GALNT9: variants seen among roughly 807,000 people sequenced by gnomAD.
GALNT9 encodes the protein GalNAc transferase 9.
GALNT9 carries 47 observed loss-of-function variants against 63.1 expected under a neutral mutation model. The observed-to-expected ratio is 0.75, with a 90% confidence interval of 0.59 to 0.95. GALNT9 has a LOEUF of 0.95. GALNT9 is among the 40% of genes least tolerant of loss of function. GALNT9 has a pLI of 0.00. For missense variants in GALNT9, 829 were observed against 874.8 expected (o/e 0.95, Z 0.66); for synonymous variants, 396 against 365.7 (o/e 1.08, Z -0.94).
chr12:132,218,141 C>T (rs1877295238), intron 6 of GALNT9, among the ~76,000 whole-genome samples: 1 of 152,110 alleles, frequency 6.6e-6, no homozygotes, highest in Non-Finnish European at 1.5e-5. Flanking sequence ...CCTTCTTTCA[C>T]CCACTCATCC....
intron 1 of GALNT9, among the ~76,000 whole-genome samples, chr12:132,308,283 A>G (rs1340292906): frequency 6.6e-6 from 1 of 152,180 alleles, no homozygotes; most frequent in Non-Finnish European, 1.5e-5. Flanking sequence ...TGGATGCCAG[A>G]GCTGTGAAAG....
rs576865812 is a variant in GALNT9 at position 132,319,726 on chromosome 12, C to T, written c.238+9240G>A. On this transcript the variant is annotated intron_variant, in intron 1 of 10. Transcript: ENST00000328957. The surrounding 1 kb of genome is among the most constrained non-coding windows in gnomAD (Gnocchi z 5.2). ...ACACAGCTGTACCCGGCACAACACG[C>T]GGCCACAGGTCACCTCAGGTCGCCT... 3.3e-5 allele frequency among the ~76,000 whole-genome samples: 5 copies of T among 152,354 alleles called. No homozygotes were observed. Among genetic ancestry groups the T allele is most frequent in the Middle Eastern group, 3.4e-3 (1 of 294 alleles).
At chr12:132,202,458 G>A (rs780514522) in intron 7 of GALNT9, among the ~76,000 whole-genome samples, 1 of 152,230 alleles carries the variant, frequency 6.6e-6, no homozygotes, top group Non-Finnish European at 1.5e-5. Context: ...GGCCACTTCA[G>A]GCCGTGTCAC....
At position 132,286,113 on chromosome 12, in the gene GALNT9, G is replaced by A. The variant is rs1430353709; in HGVS notation, c.419+137C>T. The A allele has an allele frequency of 3.0e-5, 35 of 1,154,752 alleles. No homozygotes were observed. Among genetic ancestry groups the A allele is most frequent in the Non-Finnish European group, 3.9e-5 (33 of 853,454 alleles). The allele number at this position is 1,154,752 out of a possible 1,614,324, so 71.5% of individuals were successfully genotyped here. A position where few individuals can be genotyped will look rare whatever the true frequency, so the allele number is the denominator to read the frequency against. ...GGTCACTTCCCCGGCGGGCGTGGGG[G>A]GCGGTCACTTCCCTGGCGGGCGTGG... On this transcript the variant is annotated intron_variant, in intron 2 of 10. Transcript: ENST00000328957. The surrounding 1 kb of genome is among the most constrained non-coding windows in gnomAD (Gnocchi z 7.4).
intron 5 of GALNT9, among the ~76,000 whole-genome samples, chr12:132,248,788 T>C (rs560138394): frequency 1.3e-5 from 2 of 152,252 alleles, no homozygotes; most frequent in Non-Finnish European, 2.9e-5. Context: ...CCTGGCCCCA[T>C]CTCTGTGAAA....
intron 1 of GALNT9, among the ~76,000 whole-genome samples, chr12:132,324,254 G>C (rs782034607): frequency 2.0e-5 from 3 of 152,152 alleles, no homozygotes; most frequent in Non-Finnish European, 2.9e-5. Flanking sequence ...AGCCGGCAGA[G>C]TGGGGGCCGC....
intron 7 of GALNT9, among the ~76,000 whole-genome samples, chr12:132,202,619 C>T (rs1025929929): frequency 3.3e-5 from 5 of 150,528 alleles, no homozygotes; most frequent in African/African-American, 1.0e-4. Flanking sequence ...TAAATGTATG[C>T]GTGTGTGCGC....
At chr12:132,308,913 G>A (rs916043748) in intron 1 of GALNT9, among the ~76,000 whole-genome samples, 3 of 151,572 alleles carry the variant, frequency 2.0e-5, no homozygotes, top group Non-Finnish European at 3.0e-5. Context: ...CACGGGGCTC[G>A]GGATGGCCGC....
chr12:132,303,035 C>G (rs1386657286), intron 1 of GALNT9, among the ~76,000 whole-genome samples: 1 of 151,848 alleles, frequency 6.6e-6, no homozygotes, highest in Non-Finnish European at 1.5e-5. Context: ...TGGGGTGAGA[C>G]GGTGTGTGGA....
intron 7 of GALNT9, among the ~76,000 whole-genome samples, chr12:132,201,758 G>T (rs554965043): frequency 6.6e-6 from 1 of 151,874 alleles, no homozygotes; most frequent in African/African-American, 2.4e-5. Flanking sequence ...GGGACCCCCC[G>T]CGGGGGGACA....
chr12:132,224,827 A>T (rs1482156281), intron 6 of GALNT9, among the ~76,000 whole-genome samples: 1 of 137,158 alleles, frequency 7.3e-6, no homozygotes, highest in Non-Finnish European at 1.6e-5. Flanking sequence ...ACCCTCCCAC[A>T]TACACACCAC....
chr12:132,201,395 A>AGGCCCCATCC (rs61329617), intron 7 of GALNT9, 134 bp from the exon 8 acceptor site: 342,488 of 608,440 alleles, frequency 0.56, 99,170 homozygotes, highest in Non-Finnish European at 0.6. Context: ...TCAGATGCTG[A>AGGCCCCATCC]GGCCCCATCC....
intron 1 of GALNT9, among the ~76,000 whole-genome samples, chr12:132,301,757 A>G (rs1881304773): frequency 6.6e-6 from 1 of 152,170 alleles, no homozygotes; most frequent in South Asian, 2.1e-4. Context: ...AACCTTCATG[A>G]CCCTGGACAG....
intron 2 of GALNT9, among the ~76,000 whole-genome samples, chr12:132,270,428 A>T (rs1055280402): frequency 2.6e-5 from 4 of 152,224 alleles, no homozygotes; most frequent in African/African-American, 9.6e-5. Context: ...CCAGCAGGTG[A>T]TGCCACCTCT....
chr12:132,246,035 G>A lies in GALNT9; in HGVS notation c.1077+1875C>T, dbSNP rs111553272. Among the ~76,000 whole-genome samples the A allele has an allele frequency of 2.6e-5, 4 of 152,184 alleles. No homozygotes were observed. Among genetic ancestry groups the A allele is most frequent in the African/African-American group, 9.7e-5 (4 of 41,426 alleles). On this transcript the variant is annotated intron_variant, in intron 6 of 10. Transcript: ENST00000328957. This position sits in a 1 kb window ranked among gnomAD's most constrained non-coding sequence, Gnocchi z 4.7. ...TGCGTTCCATCCCTCTGAGGGCCTC[G>A]GCTTTCTTAGGCCCCTGACTGCTGG...
Position 132,327,570 on chromosome 12 carries a change from C to T in GALNT9, c.238+1396G>A, listed in dbSNP as rs544489407. ...CTTCAATAGAGCCATGTGCTATTGC[C>T]GGGCACACCGCCTTCCGGGAGATGA... On this transcript the variant is annotated intron_variant, in intron 1 of 10. Coordinates refer to ENST00000328957, the MANE Select transcript of GALNT9 (RefSeq NM_001122636.2). This position sits in a 1 kb window ranked among gnomAD's most constrained non-coding sequence, Gnocchi z 4.3. Among the ~76,000 whole-genome samples, 12 of 152,186 alleles carry T rather than the reference C, an allele frequency of 7.9e-5. No individual in the cohort carries two copies. The highest frequency in any genetic ancestry group is 3.9e-4 in the East Asian group (2 of 5,188).
chr12:132,201,033 G>A (rs1305967455), intron 8 of GALNT9, 91 bp downstream of exon 8: 20 of 1,266,712 alleles, frequency 1.6e-5, no homozygotes, highest in Non-Finnish European at 2.2e-5. Flanking sequence ...TGTGCATGTG[G>A]ATGTGCCTGC....
intron 6 of GALNT9, among the ~76,000 whole-genome samples, chr12:132,214,664 C>T (rs1010986341): frequency 1.3e-5 from 2 of 152,232 alleles, no homozygotes; most frequent in African/African-American, 4.8e-5. Flanking sequence ...CCCCTCATAC[C>T]CTCTGCCTCC....
rs1232055020 is a variant in GALNT9 at position 132,236,281 on chromosome 12, G to A, written c.1077+11629C>T. ...ACAGGCGGCTGGCGGGGAGCGGGTG[G>A]GGGCCATGGCCCTGGAGTGGGGGTC... On this transcript the variant is annotated intron_variant, in intron 6 of 10. Transcript: ENST00000328957. The surrounding 1 kb of genome is among the most constrained non-coding windows in gnomAD (Gnocchi z 5.6). Among the ~76,000 whole-genome samples the A allele has an allele frequency of 1.3e-5, 2 of 152,018 alleles. No homozygotes were observed. Among genetic ancestry groups the A allele is most frequent in the African/African-American group, 4.8e-5 (2 of 41,380 alleles).
Sources: gnomAD v4.1 joint callset for allele counts (sites outside exome capture counted in the v4.1 genomes callset) on GRCh38, gnomAD v4.1.1 for gene constraint, Gnocchi (gnomAD v3.1) non-coding constraint, MANE v1.5 for transcripts, NCBI Gene and HGNC (gene_info 2026-07-23, HGNC 2026-07-21) for gene names.